FHIT: variants seen among roughly 807,000 people sequenced by gnomAD.
FHIT encodes fragile histidine triad diadenosine triphosphatase.
In FHIT, 19 loss-of-function variants were observed where a neutral mutation model predicts 17.9. The ratio of observed to expected loss-of-function variants is 1.06; its 90% CI spans 0.74 to 1.56. FHIT has a LOEUF of 1.56. Ranked by LOEUF, FHIT falls within the 40% of genes most tolerant of loss-of-function variation. The pLI is 0.00. For synonymous variants in FHIT, 81 were observed against 69.7 expected (o/e 1.16, Z -0.81); for missense variants, 248 against 189.2 (o/e 1.31, Z -1.82).
At chr3:60,003,789 T>C (rs1264588089) in intron 7 of FHIT, among the ~76,000 whole-genome samples, 1 of 151,618 alleles carries the variant, frequency 6.6e-6, no homozygotes, top group Non-Finnish European at 1.5e-5. Context: ...TGAGGTTGAA[T>C]TGGCCACTAA....
intron 8 of FHIT, among the ~76,000 whole-genome samples, chr3:59,777,942 T>A (rs758199125): frequency 3.3e-5 from 5 of 152,238 alleles, no homozygotes; most frequent in Non-Finnish European, 7.3e-5. Context: ...AAATGTTACC[T>A]CCTTGGTGAG....
At chr3:60,666,860 TTTTC>T (rs1453093025) in intron 4 of FHIT, among the ~76,000 whole-genome samples, 5,771 of 48,376 alleles carry the variant, frequency 0.12, 429 homozygotes, top group African/African-American at 0.24. Flanking sequence ...TTTTCTTTTC[TTTTC>T]TTTTTTTTTT....
At position 60,330,289 on chromosome 3, in the gene FHIT, T is replaced by C. The variant is rs576800569; in HGVS notation, c.103+206571A>G. On this transcript the variant is annotated intron_variant, in intron 5 of 9. Coordinates refer to ENST00000492590, the MANE Select transcript of FHIT (RefSeq NM_002012.4). ...AAACGGGTCATAAACCCTTCATGGATCTCTCTCAAGTGGGTGGTGATGTCT... is the reference window on the plus strand; with the variant it reads ...AAACGGGTCATAAACCCTTCATGGACCTCTCTCAAGTGGGTGGTGATGTCT... Among the ~76,000 whole-genome samples the C allele has an allele frequency of 6.6e-5, 10 of 152,226 alleles. No homozygotes were observed. In the South Asian group the frequency reaches 1.9e-3, roughly 28 times the overall value.
chr3:60,617,637 C>T (rs1410445053), intron 4 of FHIT: 1 of 153,084 alleles, frequency 6.5e-6, no homozygotes, highest in Non-Finnish European at 1.5e-5. Context: ...TAGACCTTTC[C>T]AATGACTATG....
chr3:61,086,678 A>G (rs1447521224), intron 2 of FHIT, among the ~76,000 whole-genome samples: 1 of 151,954 alleles, frequency 6.6e-6, no homozygotes, highest in Non-Finnish European at 1.5e-5. Context: ...GCCCTTCAAT[A>G]CCTTCAAACA....
At chr3:60,180,829 G>A (rs1701897919) in intron 5 of FHIT, among the ~76,000 whole-genome samples, 1 of 151,948 alleles carries the variant, frequency 6.6e-6, no homozygotes, top group Admixed American at 6.6e-5. Flanking sequence ...CTAAATTACT[G>A]GATTGCAAGA....
intron 5 of FHIT, among the ~76,000 whole-genome samples, chr3:60,171,508 G>GCTGAATTT (rs1475715798): frequency 6.6e-6 from 1 of 152,140 alleles, no homozygotes; most frequent in Non-Finnish European, 1.5e-5. Context: ...ATGCTGAATT[G>GCTGAATTT]CTGAATTTCT....
chr3:59,859,220 G>T (rs1026248043), intron 8 of FHIT, among the ~76,000 whole-genome samples: 2 of 152,188 alleles, frequency 1.3e-5, no homozygotes, highest in Non-Finnish European at 2.9e-5. Flanking sequence ...TGGGGATACG[G>T]TCAGTGTGGT....
rs1553772778 is a variant in FHIT at position 60,441,716 on chromosome 3, A to ATATTTGTATT, written c.103+95143_103+95144insAATACAAATA. 1.1e-4 allele frequency among the ~76,000 whole-genome samples: 12 copies of ATATTTGTATT among 105,728 alleles called. 1 individual carries two copies. The highest frequency in any genetic ancestry group is 8.3e-4 in the South Asian group (2 of 2,424). 69.4% of individuals were successfully genotyped at this position (105,728 alleles called of 152,430 possible). A position where few individuals can be genotyped will look rare whatever the true frequency, so the allele number is the denominator to read the frequency against. Reference sequence around the variant, plus strand: ...TCTGTAGGTATTTATATATATATATATATATATTTGTATTTATATATATAT... The same window carrying ATATTTGTATT: ...TCTGTAGGTATTTATATATATATATATATTTGTATTTATATATTTGTATTTATATATATAT... On this transcript the variant is annotated intron_variant, in intron 5 of 9. Transcript: ENST00000492590.
intron 3 of FHIT, among the ~76,000 whole-genome samples, chr3:60,859,723 ATTTTTTTTTTTTTTTTTTTTTTT>A (rs71092647): frequency 5.8e-5 from 3 of 51,926 alleles, no homozygotes; most frequent in African/African-American, 7.6e-5. Context: ...TCTGAATACG[ATTTTTTTTTTTTTTTTTTTTTTT>A]TTTTTTTTTT....
intron 5 of FHIT, among the ~76,000 whole-genome samples, chr3:60,222,276 T>C (rs1703999298): frequency 6.6e-6 from 1 of 152,168 alleles, no homozygotes; most frequent in Admixed American, 6.5e-5. Flanking sequence ...TCCCTCTTAC[T>C]AGGGCAGAAA....
At chr3:60,599,009 G>A (rs965584985) in intron 4 of FHIT, among the ~76,000 whole-genome samples, 9 of 152,102 alleles carry the variant, frequency 5.9e-5, no homozygotes, top group East Asian at 3.8e-4. Context: ...GAGAAAGTTC[G>A]TTTAAAATCT....
At chr3:60,780,049 T>C (rs1479474065) in intron 4 of FHIT, among the ~76,000 whole-genome samples, 9 of 152,248 alleles carry the variant, frequency 5.9e-5, no homozygotes, top group African/African-American at 1.7e-4. Context: ...GATGCAAGGA[T>C]AGAAGATGGA....
intron 8 of FHIT, among the ~76,000 whole-genome samples, chr3:59,909,169 C>T (rs1320721807): frequency 6.7e-6 from 1 of 150,046 alleles, no homozygotes; most frequent in Non-Finnish European, 1.5e-5. Flanking sequence ...GAGTAGCTGG[C>T]ACTATAGGCA....
intron 4 of FHIT, among the ~76,000 whole-genome samples, chr3:60,795,983 G>A (rs1260569047): frequency 6.6e-6 from 1 of 152,180 alleles, no homozygotes; most frequent in East Asian, 1.9e-4. Flanking sequence ...CATGACAGGG[G>A]AGGCCTCAGA....
At chr3:60,282,632 T>G (rs1707514795) in intron 5 of FHIT, among the ~76,000 whole-genome samples, 1 of 152,042 alleles carries the variant, frequency 6.6e-6, no homozygotes, top group African/African-American at 2.4e-5. Context: ...GCCACACTAA[T>G]GCAAGGTATT....
intron 3 of FHIT, among the ~76,000 whole-genome samples, chr3:60,905,607 T>C (rs1222594285): frequency 3.9e-5 from 6 of 152,160 alleles, no homozygotes; most frequent in Non-Finnish European, 1.5e-5. Context: ...TCAATAGTAG[T>C]CCTTTGTGTG....
At chr3:59,985,771 A>G (rs938872697) in intron 7 of FHIT, among the ~76,000 whole-genome samples, 7 of 152,108 alleles carry the variant, frequency 4.6e-5, no homozygotes, top group Non-Finnish European at 1.0e-4. Context: ...TTATTAATTG[A>G]TCACCTCTCA....
intron 3 of FHIT, among the ~76,000 whole-genome samples, chr3:60,888,099 G>A (rs1251928723): frequency 1.3e-5 from 2 of 152,118 alleles, no homozygotes; most frequent in Non-Finnish European, 2.9e-5. Context: ...CAGGTTATGA[G>A]CTTTCTAACA....
Sources: allele counts gnomAD v4.1 joint callset (sites outside exome capture counted in the v4.1 genomes callset), GRCh38; gene constraint gnomAD v4.1.1; transcripts MANE v1.5; gene names NCBI Gene and HGNC (gene_info 2026-07-23, HGNC 2026-07-21).